Variants in CKAP5 observed in about 807,000 individuals in gnomAD.
CKAP5 encodes cytoskeleton associated protein 5, also known as cytoskeleton-associated protein 5.
Under a neutral mutation model 232.8 loss-of-function variants are expected in CKAP5, and 27 were observed. The ratio of observed to expected loss-of-function variants is 0.12; its 90% CI spans 0.09 to 0.16. The LOEUF is 0.16. Ranked by LOEUF, CKAP5 falls within the 10% of genes least tolerant of loss-of-function variation. The pLI, the probability that CKAP5 is intolerant of heterozygous loss-of-function variation, is 1.00. For synonymous variants in CKAP5, 785 were observed against 841.1 expected (o/e 0.93, Z 1.16); for missense variants, 1,838 against 2,424.7 (o/e 0.76, Z 5.08).
rs533653770 is a variant in CKAP5 at position 46,773,437 on chromosome 11, T to C, written c.2992-2455A>G. Reference sequence around the variant, plus strand: ...CTAATTTTTCTATTTTTGGTAGAGATGGGGTTTCACCATGTTGGCTAGGCT... The same window carrying C: ...CTAATTTTTCTATTTTTGGTAGAGACGGGGTTTCACCATGTTGGCTAGGCT... On this transcript the variant is annotated intron_variant, in intron 24 of 43. Coordinates refer to ENST00000529230, the MANE Select transcript of CKAP5 (RefSeq NM_001008938.4). Among the ~76,000 whole-genome samples the C allele has an allele frequency of 2.7e-3, 417 of 151,828 alleles. 2 individuals carry two copies. The highest frequency in any genetic ancestry group is 9.5e-3 in the African/African-American group (395 of 41,412).
rs1001718636 is a variant in CKAP5 at position 46,761,863 on chromosome 11, T to C, written c.4221+137A>G. On this transcript the variant is annotated intron_variant, in intron 32 of 43. Coordinates refer to ENST00000529230, the MANE Select transcript of CKAP5 (RefSeq NM_001008938.4). The stretch of plus-strand genomic sequence containing the variant: ...ACACCTCAAGGGTCTATCTGGATTC[T>C]AGGACACATTGATAGGTTGAGTTGA... The C allele has an allele frequency of 2.8e-5, 18 of 633,198 alleles. No homozygotes were observed. The Admixed American group carries it at 4.8e-4, about 17-fold the overall frequency. The allele number at this position is 633,198 out of a possible 1,614,324, so 39.2% of individuals were successfully genotyped here.
intron 42 of CKAP5, among the ~76,000 whole-genome samples, chr11:46,745,072 A>T (rs940696218): frequency 1.3e-5 from 2 of 152,240 alleles, no homozygotes; most frequent in African/African-American, 4.8e-5. Context: ...TTATCTAAAG[A>T]GGGCATAGAA....
intron 7 of CKAP5, among the ~76,000 whole-genome samples, chr11:46,808,839 A>G (rs1939213710): frequency 6.6e-6 from 1 of 152,208 alleles, no homozygotes; most frequent in African/African-American, 2.4e-5. Flanking sequence ...AGAAAAGAAC[A>G]ATCACATAAC....
intron 36 of CKAP5, among the ~76,000 whole-genome samples, chr11:46,754,424 A>C (rs2065095244): frequency 1.3e-5 from 2 of 152,192 alleles, no homozygotes; most frequent in African/African-American, 2.4e-5. Flanking sequence ...CTGAGTGAGA[A>C]TGTCTTTATT....
chr11:46,778,079 AG>A lies in CKAP5; in HGVS notation c.2748+59del. On this transcript the variant is annotated intron_variant, in intron 22 of 43. Transcript: ENST00000529230. ...TTTGCAAGTGAAGGCTACACTGAAA[AG>A]GTAACTCCTGCAGCAGTGGGGAGGG... 3 of 1,405,622 alleles carry A rather than the reference AG, an allele frequency of 2.1e-6. No individual in the cohort carries two copies. In the South Asian group the frequency reaches 4.1e-5, roughly 19 times the overall value. 87.1% of individuals were successfully genotyped at this position (1,405,622 alleles called of 1,614,324 possible).
chr11:46,750,284 G>A lies in CKAP5; in HGVS notation c.5694C>T (p.Ser1898=). The A allele has an allele frequency of 1.2e-6, 2 of 1,613,986 alleles. No individual in the cohort carries two copies. The highest frequency in any genetic ancestry group is 1.7e-6 in the Non-Finnish European group (2 of 1,179,958). Residue 1898 remains serine (S), a synonymous_variant, in exon 42 of 44, where the codon TCC becomes TCT. Transcript: ENST00000529230. ...AACAGGAAACCATACCTGTTGAAGT[G>A]GAAATACGACCTTTGCCCTCCCTCT... ...EMEREGKGRI[S]TSTGISPQME... is the part of the protein sequence containing the mutation.
chr11:46,794,876 A>T (rs1439072885), intron 13 of CKAP5, among the ~76,000 whole-genome samples: 1 of 152,150 alleles, frequency 6.6e-6, no homozygotes, highest in Non-Finnish European at 1.5e-5. Flanking sequence ...TCAAATTCAT[A>T]GAAACAGAAA....
At position 46,791,256 on chromosome 11, in the gene CKAP5, T is replaced by G. The variant is rs77174836; in HGVS notation, c.1651-673A>C. ...TTACATTTATTTGGGTTTTTTTTTT[T>G]TTTTGTTTTCTGAGACAGGGTCTTG... is the stretch of plus-strand genomic sequence containing the variant. On this transcript the variant is annotated intron_variant, in intron 13 of 43. Transcript: ENST00000529230. Among the ~76,000 whole-genome samples, 629 of 150,304 alleles carry G rather than the reference T, an allele frequency of 4.2e-3. 4 individuals carry two copies. Among genetic ancestry groups the G allele is most frequent in the African/African-American group, 0.013 (553 of 41,346 alleles).
At chr11:46,785,532 G>A (rs780571928) in intron 16 of CKAP5, among the ~76,000 whole-genome samples, 20 of 152,180 alleles carry the variant, frequency 1.3e-4, no homozygotes, top group Non-Finnish European at 2.2e-4. Context: ...GTTTCACCAT[G>A]TTGGCCGGGC....
At chr11:46,832,679 G>A (rs749784370) in intron 1 of CKAP5, among the ~76,000 whole-genome samples, 1 of 152,178 alleles carries the variant, frequency 6.6e-6, no homozygotes, top group African/African-American at 2.4e-5. Context: ...CCTTGAAGTT[G>A]ATATTATTAT....
At chr11:46,808,173 A>C in intron 7 of CKAP5, 29 bp from the exon 8 acceptor site, 1 of 1,355,870 alleles carries the variant, frequency 7.4e-7, no homozygotes, top group Non-Finnish European at 1.1e-6. Flanking sequence ...GTCATTTGTA[A>C]CAGGAAATAA....
intron 11 of CKAP5, among the ~76,000 whole-genome samples, chr11:46,797,393 A>C (rs7109599): frequency 0.68 from 96,325 of 141,302 alleles, 32,319 homozygotes; most frequent in Non-Finnish European, 0.79. Context: ...ACAACAACAA[A>C]AAAAAAAAAA....
intron 8 of CKAP5, among the ~76,000 whole-genome samples, chr11:46,806,495 TCC>T (rs1939158825): frequency 6.6e-6 from 1 of 152,202 alleles, no homozygotes; most frequent in Non-Finnish European, 1.5e-5. Context: ...CCTCTACTAT[TCC>T]CCTTCCCATT....
chr11:46,767,404 C>T (rs1024614872), intron 27 of CKAP5, among the ~76,000 whole-genome samples, 171 bp downstream of exon 27: 1 of 151,984 alleles, frequency 6.6e-6, no homozygotes, highest in Non-Finnish European at 1.5e-5. Context: ...AGGATGTCTC[C>T]GTTTTAGGAC....
At chr11:46,824,515 A>G (rs1039563103) in intron 1 of CKAP5, among the ~76,000 whole-genome samples, 1 of 152,212 alleles carries the variant, frequency 6.6e-6, no homozygotes, top group African/African-American at 2.4e-5. Flanking sequence ...CAAAAGCTGG[A>G]AACAGTTCAC....
chr11:46,790,619 T>A, intron 13 of CKAP5, 36 bp from the exon 14 acceptor site: 2 of 1,402,832 alleles, frequency 1.4e-6, no homozygotes, highest in Non-Finnish European at 2.0e-6. Flanking sequence ...TTAAACCACC[T>A]AAGGATTTAA....
intron 38 of CKAP5, 76 bp from the exon 39 acceptor site, chr11:46,751,610 C>A (rs2065065111): frequency 8.0e-7 from 1 of 1,254,212 alleles, no homozygotes; most frequent in Non-Finnish European, 1.1e-6. Flanking sequence ...CTTCCCTAAG[C>A]TTTGAGCTCA....
intron 8 of CKAP5, among the ~76,000 whole-genome samples, chr11:46,803,137 G>A (rs1026602362): frequency 2.0e-5 from 3 of 151,784 alleles, no homozygotes; most frequent in South Asian, 2.1e-4. Context: ...GGTGGCATGC[G>A]CCTGTAGTCC....
At chr11:46,824,699 G>T (rs1002973581) in intron 1 of CKAP5, among the ~76,000 whole-genome samples, 1 of 152,276 alleles carries the variant, frequency 6.6e-6, no homozygotes, top group Non-Finnish European at 1.5e-5. Flanking sequence ...TAGCTGCTGT[G>T]TAAAACCATT....
Sources: gnomAD v4.1 joint callset for allele counts (sites outside exome capture counted in the v4.1 genomes callset) on GRCh38, gnomAD v4.1.1 for gene constraint, MANE v1.5 for transcripts, NCBI Gene and HGNC (gene_info 2026-07-23, HGNC 2026-07-21) for gene names.